The following SOX5 variants were observed in gnomAD, a reference collection of about 807,000 sequenced individuals.
The protein encoded by SOX5 is transcription factor SOX-5.
A neutral mutation model predicts 92.0 loss-of-function variants in SOX5; 9 were observed. The ratio of observed to expected loss-of-function variants is 0.10; its 90% CI spans 0.06 to 0.17. The LOEUF is 0.17. SOX5 is among the 10% of genes least tolerant of loss of function. The probability of loss-of-function intolerance (pLI) is 1.00; values close to 1 mark genes in which losing one functional copy is unlikely to be tolerated. For synonymous variants in SOX5, 344 were observed against 336.3 expected (o/e 1.02, Z -0.25); for missense variants, 642 against 944.5 (o/e 0.68, Z 4.20).
intron 1 of SOX5, among the ~76,000 whole-genome samples, chr12:24,551,634 C>G (rs1003416811): frequency 6.6e-6 from 1 of 152,212 alleles, no homozygotes; most frequent in Non-Finnish European, 1.5e-5. Flanking sequence ...CATGCGGTAA[C>G]TGTTATCCCA....
At chr12:24,332,351 T>G (rs1157153310) in intron 2 of SOX5, among the ~76,000 whole-genome samples, 2 of 152,154 alleles carry the variant, frequency 1.3e-5, no homozygotes, top group Non-Finnish European at 2.9e-5. Flanking sequence ...ATTTTGAATG[T>G]TAAGCTTAGT....
At chr12:24,559,275 A>G (rs1414373212) in intron 1 of SOX5, among the ~76,000 whole-genome samples, 1 of 152,190 alleles carries the variant, frequency 6.6e-6, no homozygotes, top group Non-Finnish European at 1.5e-5. Flanking sequence ...CAAAACTCCA[A>G]TTATAGCATT....
At chr12:24,300,770 C>T (rs1947857038) in intron 2 of SOX5, among the ~76,000 whole-genome samples, 1 of 152,226 alleles carries the variant, frequency 6.6e-6, no homozygotes, top group Non-Finnish European at 1.5e-5. Context: ...CACGTCACCA[C>T]AACTTGTGAG....
chr12:24,377,279 C>G (rs1957380977), intron 1 of SOX5, among the ~76,000 whole-genome samples: 1 of 152,154 alleles, frequency 6.6e-6, no homozygotes, highest in African/African-American at 2.4e-5. Flanking sequence ...AAAACTGGCA[C>G]AGAGAGATTA....
intron 3 of SOX5, among the ~76,000 whole-genome samples, chr12:24,238,153 T>C (rs1964876750): frequency 6.6e-6 from 1 of 152,144 alleles, no homozygotes. Flanking sequence ...CACAACTACA[T>C]AAATTTCCAA....
intron 4 of SOX5, among the ~76,000 whole-genome samples, chr12:23,988,914 G>A (rs1950299091): frequency 6.6e-6 from 1 of 152,178 alleles, no homozygotes; most frequent in Non-Finnish European, 1.5e-5. Context: ...TTAAGCTGAA[G>A]TGTTGTGCTA....
At chr12:24,353,276 C>T (rs1354655317) in intron 2 of SOX5, among the ~76,000 whole-genome samples, 1 of 152,154 alleles carries the variant, frequency 6.6e-6, no homozygotes, top group Non-Finnish European at 1.5e-5. Flanking sequence ...CTCTATGGAG[C>T]AACCCTTTAC....
intron 11 of SOX5, among the ~76,000 whole-genome samples, chr12:23,554,167 G>A (rs1944707755): frequency 6.6e-6 from 1 of 152,082 alleles, no homozygotes; most frequent in Non-Finnish European, 1.5e-5. Context: ...TATCAGAGCT[G>A]CTAGGAGAAA....
intron 4 of SOX5, among the ~76,000 whole-genome samples, chr12:23,975,010 A>G (rs1948752081): frequency 6.6e-6 from 1 of 152,170 alleles, no homozygotes; most frequent in Non-Finnish European, 1.5e-5. Flanking sequence ...ATGCTAAGGT[A>G]AAATAAATCA....
intron 1 of SOX5, among the ~76,000 whole-genome samples, chr12:24,488,930 G>T (rs1012607861): frequency 6.6e-6 from 1 of 152,114 alleles, no homozygotes; most frequent in Non-Finnish European, 1.5e-5. Context: ...TTAAAATATT[G>T]TAATAGAAAG....
chr12:23,644,274 G>A lies in SOX5; in HGVS notation c.932-3377C>T, dbSNP rs7297902. 5.2e-3 allele frequency among the ~76,000 whole-genome samples: 792 copies of A among 152,298 alleles called. 4 individuals carry two copies. The highest frequency in any genetic ancestry group is 0.018 in the African/African-American group (768 of 41,568). ...GGCATGCCAACAGTTAATGAAGGGA[G>A]CTTGGAACAGATTCTACCCAGGCCA... On this transcript the variant is annotated intron_variant, in intron 7 of 14. Transcript: ENST00000451604.
intron 1 of SOX5, among the ~76,000 whole-genome samples, chr12:24,542,710 A>G (rs184593128): frequency 8.3e-4 from 127 of 152,342 alleles, no homozygotes; most frequent in African/African-American, 2.9e-3. Flanking sequence ...GCAAAAATGA[A>G]TGTTTTATTG....
intron 4 of SOX5, among the ~76,000 whole-genome samples, chr12:24,002,804 A>G (rs373064676): frequency 3.3e-5 from 5 of 152,122 alleles, no homozygotes; most frequent in Admixed American, 2.6e-4. Flanking sequence ...AAGACTAAGG[A>G]TCAATTAACA....
At chr12:24,300,046 C>G (rs946408534) in intron 2 of SOX5, among the ~76,000 whole-genome samples, 14 of 152,256 alleles carry the variant, frequency 9.2e-5, no homozygotes, top group African/African-American at 3.1e-4. Flanking sequence ...AAAAACAATT[C>G]AAGAATTTAG....
In SOX5 at chr12:23,804,503, T is replaced by A. The variant is rs911569545; in HGVS notation, c.481+41480A>T. Among the ~76,000 whole-genome samples, 53 of 152,080 alleles carry A rather than the reference T, an allele frequency of 3.5e-4. 2 individuals carry two copies. ...GGAAAATCATCAATAGCTTTTCAGG[T>A]CCTAACCCATAAAGTTTCAACTCTG... On this transcript the variant is annotated intron_variant, in intron 3 of 14. Transcript: ENST00000451604.
At position 24,009,367 on chromosome 12, in the gene SOX5, T is replaced by C. The variant is rs193238689; in HGVS notation, c.-1-113343A>G. On this transcript the variant is annotated intron_variant, in intron 4 of 4. Transcript: ENST00000446891. The stretch of plus-strand genomic sequence containing the variant: ...CAGACTAGGTAGGAATTAGACTTTT[T>C]GATTCTTAGGCTCCCATTCACTGCT... Among the ~76,000 whole-genome samples the C allele has an allele frequency of 1.8e-4, 27 of 152,338 alleles. No individual in the cohort carries two copies. The East Asian group carries it at 5.0e-3, about 28-fold the overall frequency.
intron 2 of SOX5, among the ~76,000 whole-genome samples, chr12:24,330,219 C>T (rs749077292): frequency 8.6e-5 from 13 of 151,994 alleles, no homozygotes; most frequent in Non-Finnish European, 1.5e-4. Context: ...AAAATTAACG[C>T]ATCAATTATG....
chr12:23,829,060 G>T (rs1009172676), intron 3 of SOX5, among the ~76,000 whole-genome samples: 1 of 151,950 alleles, frequency 6.6e-6, no homozygotes, highest in Admixed American at 6.6e-5. Flanking sequence ...GAAATTCTGA[G>T]TGAGCTCTCC....
intron 1 of SOX5, among the ~76,000 whole-genome samples, chr12:24,384,137 T>C (rs11047407): frequency 7.9e-4 from 120 of 152,296 alleles, no homozygotes; most frequent in Non-Finnish European, 1.4e-3. Context: ...TGAACCTCCT[T>C]CCTTTATAAA....
Sources: gnomAD v4.1 joint callset for allele counts (sites outside exome capture counted in the v4.1 genomes callset) on GRCh38, gnomAD v4.1.1 for gene constraint, MANE v1.5 for transcripts, NCBI Gene and HGNC (gene_info 2026-07-23, HGNC 2026-07-21) for gene names.